C1GALT1: variants seen among roughly 807,000 people sequenced by gnomAD.
The protein encoded by C1GALT1 is glycoprotein-N-acetylgalactosamine 3-beta-galactosyltransferase 1.
C1GALT1 carries 11 observed loss-of-function variants against 31.0 expected under a neutral mutation model. The observed-to-expected ratio is 0.36, with a 90% CI of 0.22 to 0.59. The LOEUF (loss-of-function observed/expected upper bound fraction) is 0.59. C1GALT1 is among the 20% of genes least tolerant of loss of function. The pLI is 0.79. For synonymous variants in C1GALT1, 175 were observed against 143.6 expected (o/e 1.22, Z -1.56); for missense variants, 424 against 425.2 (o/e 1.00, Z 0.03).
chr7:7,213,171 C>T (rs188673543), intron 1 of C1GALT1, among the ~76,000 whole-genome samples: 2 of 152,122 alleles, frequency 1.3e-5, no homozygotes, highest in Non-Finnish European at 2.9e-5. Context: ...TTCAGTGTTA[C>T]AATCTTCAAA....
chr7:7,159,579 G>T (rs1181293579), intron 2 of C1GALT1, among the ~76,000 whole-genome samples: 1 of 152,010 alleles, frequency 6.6e-6, no homozygotes, highest in Non-Finnish European at 1.5e-5. Context: ...CAAGGCAAAA[G>T]GTTCCCCAGA....
At chr7:7,182,272 T>C (rs1174840204), upstream of C1GALT1, among the ~76,000 whole-genome samples, 1 of 152,188 alleles carries the variant, frequency 6.6e-6, no homozygotes, top group Admixed American at 6.5e-5. Flanking sequence ...CTCCCTATTG[T>C]TACCCTGCTT....
At chr7:7,229,255 T>C (rs1194368606) in intron 1 of C1GALT1, among the ~76,000 whole-genome samples, 1 of 152,074 alleles carries the variant, frequency 6.6e-6, no homozygotes, top group East Asian at 1.9e-4. Flanking sequence ...TAAGGCAAAA[T>C]CACAGCTAGG....
At chr7:7,173,507 C>T (rs996391020) in intron 2 of C1GALT1, among the ~76,000 whole-genome samples, 2 of 152,142 alleles carry the variant, frequency 1.3e-5, no homozygotes, top group African/African-American at 4.8e-5. Flanking sequence ...GGCCTGATAG[C>T]TTATGTCTTT....
At chr7:7,218,088 C>T (rs558955508) in intron 1 of C1GALT1, among the ~76,000 whole-genome samples, 1 of 152,140 alleles carries the variant, frequency 6.6e-6, no homozygotes, top group South Asian at 2.1e-4. Context: ...TATAGTTTGG[C>T]CGTGGGAGTT....
chr7:7,230,474 G>C (rs1783018540), intron 1 of C1GALT1, among the ~76,000 whole-genome samples: 1 of 151,858 alleles, frequency 6.6e-6, no homozygotes, highest in Non-Finnish European at 1.5e-5. Flanking sequence ...ATGTAGATGA[G>C]TTTATTTTTC....
intron 1 of C1GALT1, among the ~76,000 whole-genome samples, chr7:7,228,308 C>T (rs1002599195): frequency 1.3e-5 from 2 of 151,914 alleles, no homozygotes; most frequent in South Asian, 4.2e-4. Flanking sequence ...TTTAGTTGTC[C>T]CGGGAGTTCT....
At chr7:7,230,929 C>G (rs1783046352) in intron 1 of C1GALT1, among the ~76,000 whole-genome samples, 1 of 151,898 alleles carries the variant, frequency 6.6e-6, no homozygotes, top group Non-Finnish European at 1.5e-5. Context: ...TTATTATAGC[C>G]AATATTTATT....
chr7:7,206,879 C>T (rs982774001), intron 1 of C1GALT1, among the ~76,000 whole-genome samples: 1 of 152,058 alleles, frequency 6.6e-6, no homozygotes, highest in Non-Finnish European at 1.5e-5. Flanking sequence ...CTTCTTTCAG[C>T]TTTCAGGATT....
At chr7:7,207,291 TA>T (rs1462685496) in intron 1 of C1GALT1, among the ~76,000 whole-genome samples, 3 of 151,260 alleles carry the variant, frequency 2.0e-5, no homozygotes, top group African/African-American at 7.3e-5. Context: ...TTTTTGTGTG[TA>T]TCCTTTTAGG....
chr7:7,184,117 T>C (rs557158209), intron 1 of C1GALT1, among the ~76,000 whole-genome samples: 2 of 152,350 alleles, frequency 1.3e-5, no homozygotes, highest in East Asian at 3.9e-4. Context: ...TGCTGTATGT[T>C]CTAAATATTG....
At chr7:7,196,662 T>G (rs1583760612) in intron 1 of C1GALT1, among the ~76,000 whole-genome samples, 2 of 152,218 alleles carry the variant, frequency 1.3e-5, no homozygotes, top group African/African-American at 4.8e-5. Context: ...ATGGTTGAAC[T>G]AGTTTACAAT....
intron 2 of C1GALT1, among the ~76,000 whole-genome samples, chr7:7,237,849 C>G (rs1002761485): frequency 6.6e-6 from 1 of 152,028 alleles, no homozygotes; most frequent in Non-Finnish European, 1.5e-5. Flanking sequence ...TTATGAAGTG[C>G]CAAGCAGAGA....
At chr7:7,161,860 T>C (rs1780336851) in intron 2 of C1GALT1, among the ~76,000 whole-genome samples, 1 of 152,092 alleles carries the variant, frequency 6.6e-6, no homozygotes, top group Non-Finnish European at 1.5e-5. Flanking sequence ...CAGAAGATTC[T>C]ATTGAAGTTT....
chr7:7,219,233 G>A (rs1319541172), intron 1 of C1GALT1, among the ~76,000 whole-genome samples: 1 of 152,114 alleles, frequency 6.6e-6, no homozygotes, highest in Non-Finnish European at 1.5e-5. Context: ...GGCTTTTAGG[G>A]GAATGAAAAT....
intron 1 of C1GALT1, among the ~76,000 whole-genome samples, chr7:7,204,066 G>C (rs1255682706): frequency 1.3e-5 from 2 of 148,754 alleles, no homozygotes; most frequent in Admixed American, 1.3e-4. Flanking sequence ...TGGCCTCACA[G>C]AATAAGTCAG....
At chr7:7,202,610 A>G (rs1379135561) in intron 1 of C1GALT1, among the ~76,000 whole-genome samples, 1 of 152,088 alleles carries the variant, frequency 6.6e-6, no homozygotes, top group African/African-American at 2.4e-5. Flanking sequence ...GTACTGCACT[A>G]TTTTTATTAA....
chr7:7,173,917 A>T (rs890280351), intron 2 of C1GALT1, among the ~76,000 whole-genome samples: 1 of 152,132 alleles, frequency 6.6e-6, no homozygotes, highest in African/African-American at 2.4e-5. Flanking sequence ...AAATTTTTTT[A>T]AAATAGGAAA....
At chr7:7,207,898 G>C (rs1411875178) in intron 1 of C1GALT1, among the ~76,000 whole-genome samples, 1 of 151,900 alleles carries the variant, frequency 6.6e-6, no homozygotes, top group Non-Finnish European at 1.5e-5. Flanking sequence ...AGCTGGATAT[G>C]TAATACAATA....
Sources: allele counts gnomAD v4.1 joint callset (sites outside exome capture counted in the v4.1 genomes callset), GRCh38; gene constraint gnomAD v4.1.1; transcripts MANE v1.5; gene names NCBI Gene and HGNC (gene_info 2026-07-23, HGNC 2026-07-21).